RNF213: variants seen among roughly 807,000 people sequenced by gnomAD.
The protein encoded by RNF213 is E3 ubiquitin-protein ligase RNF213.
In RNF213, 341 loss-of-function variants were observed where a neutral mutation model predicts 514.4. The ratio of observed to expected loss-of-function variants is 0.66; its 90% CI spans 0.61 to 0.73. The LOEUF is 0.73. Among genes scored for constraint, RNF213 ranks in the 30% least tolerant of loss-of-function variants. The pLI, the probability that RNF213 is intolerant of heterozygous loss-of-function variation, is 0.00. For missense variants in RNF213, 5,767 were observed against 6,615.6 expected (o/e 0.87, Z 4.45); for synonymous variants, 2,655 against 2,658.2 (o/e 1.00, Z 0.04).
At chr17:80,280,326 C>T (rs1016765785) in intron 3 of RNF213, among the ~76,000 whole-genome samples, 1 of 152,170 alleles carries the variant, frequency 6.6e-6, no homozygotes, top group Admixed American at 6.5e-5. Flanking sequence ...GAGAGGTGGG[C>T]CCTTCCCCAG....
In RNF213 at chr17:80,332,594, A is replaced by G. The variant is rs1422654186; in HGVS notation, c.4106A>G (p.Asn1369Ser). 1 of 1,522,438 alleles carries G rather than the reference A, an allele frequency of 6.6e-7. No homozygotes were observed. The highest frequency in any genetic ancestry group is 8.8e-7 in the Non-Finnish European group (1 of 1,138,816). 94.3% of individuals were successfully genotyped at this position (1,522,438 alleles called of 1,614,324 possible). A position where few individuals can be genotyped will look rare whatever the true frequency, so the allele number is the denominator to read the frequency against. The change falls in exon 21 of 68, where the codon AAC (asparagine) becomes AGC (serine). Residue 1369 changes from asparagine (N) to serine (S), a missense_variant. Transcript: ENST00000582970. ...CAGGTCAAAGAGAGCCTGGGACTGA[A>G]CGGTGACTTCAGTGTTCTCAACACT... ...ILQVKESLGL[N>S]GDFSVLNTLL...
At chr17:80,391,213 C>G (rs984384710) in intron 67 of RNF213, among the ~76,000 whole-genome samples, 1 of 152,156 alleles carries the variant, frequency 6.6e-6, no homozygotes, top group Non-Finnish European at 1.5e-5. Flanking sequence ...CCCCATTTAC[C>G]GTGAGGCTGA....
chr17:80,355,505 C>G (rs76868615), intron 36 of RNF213, among the ~76,000 whole-genome samples: 1 of 9,178 alleles, frequency 1.1e-4, no homozygotes. Context: ...AGCGGGGTGA[C>G]CGGGAATGGG....
chr17:80,336,494 G>A (rs1214931259), intron 23 of RNF213, 116 bp downstream of exon 23: 35 of 865,930 alleles, frequency 4.0e-5, no homozygotes, highest in East Asian at 1.1e-4. Context: ...GTACACAGCC[G>A]TTTTCAATGA....
Position 80,317,118 on chromosome 17 carries a change from C to A in RNF213, c.2812-70C>A. The A allele has an allele frequency of 6.6e-7, 1 of 1,511,574 alleles. No individual in the cohort carries two copies. Among genetic ancestry groups the A allele is most frequent in the Non-Finnish European group, 9.1e-7 (1 of 1,100,106 alleles). 93.6% of individuals were successfully genotyped at this position (1,511,574 alleles called of 1,614,324 possible). On this transcript the variant is annotated intron_variant, in intron 15 of 67. Coordinates refer to ENST00000582970, the MANE Select transcript of RNF213 (RefSeq NM_001256071.3). The surrounding 1 kb of genome is among the most constrained non-coding windows in gnomAD (Gnocchi z 4.1). ...TGTATTGCCGTAATGCTCTGTCTTT[C>A]TCCTTTCATGGGAGTGTGCCGTGGC...
intron 21 of RNF213, 157 bp from the exon 22 acceptor site, chr17:80,333,948 A>G (rs2077910157): frequency 1.3e-6 from 1 of 743,114 alleles, no homozygotes; most frequent in Admixed American, 2.3e-5. Context: ...TGATCATCCA[A>G]TTCAGGGGTA....
At chr17:80,290,759 C>T (rs1294165179) in intron 7 of RNF213, 31 bp downstream of exon 7, 4 of 1,613,710 alleles carry the variant, frequency 2.5e-6, no homozygotes, top group Non-Finnish European at 3.4e-6. Context: ...GGGAGGAATC[C>T]CTCAGGGAAG....
intron 17 of RNF213, among the ~76,000 whole-genome samples, chr17:80,322,157 C>CT: frequency 1.8e-5 from 2 of 111,954 alleles, no homozygotes; most frequent in Non-Finnish European, 3.5e-5. Flanking sequence ...CCCCCCACCC[C>CT]CCCTTTTTTT....
At position 80,309,059 on chromosome 17, in the gene RNF213, G is replaced by A; in HGVS notation, c.2543G>A (p.Cys848Tyr). ...EALSPSYLTV[C>Y]LKLHEAICSS... The stretch of plus-strand genomic sequence containing the variant: ...TTGTCACCATCCTACCTGACTGTGT[G>A]TCTGAAACTGCATGAAGCCATCTGC... The change falls in exon 14 of 68, where the codon TGT becomes TAT. Residue 848 changes from cysteine to tyrosine, a missense_variant. Cys to Tyr is a radical substitution (Grantham distance 194, BLOSUM62 -2). Around this residue, in one of 13 missense-constraint regions of RNF213, gnomAD observed 592 missense variants for 673.9 expected, o/e 0.88. Transcript: ENST00000582970. The A allele has an allele frequency of 6.2e-7, 1 of 1,614,166 alleles. No individual in the cohort carries two copies. Among genetic ancestry groups the A allele is most frequent in the South Asian group, 1.1e-5 (1 of 91,084 alleles).
chr17:80,295,866 C>A, intron 10 of RNF213, 53 bp downstream of exon 10: 1 of 1,598,548 alleles, frequency 6.3e-7, no homozygotes. Flanking sequence ...ATGATTTTCT[C>A]TGATTGCAAA....
At chr17:80,389,468 C>A in intron 65 of RNF213, 101 bp downstream of exon 65, 1 of 1,042,016 alleles carries the variant, frequency 9.6e-7, no homozygotes, top group Non-Finnish European at 1.5e-6. Context: ...TCTAGGCGCT[C>A]CTGAAAAGGA....
chr17:80,356,833 G>C (rs573604816), intron 36 of RNF213, among the ~76,000 whole-genome samples: 10 of 151,946 alleles, frequency 6.6e-5, no homozygotes, highest in Admixed American at 2.6e-4. Context: ...AGGTTCCTCT[G>C]TACTATATAT....
At chr17:80,327,420 A>G (rs1233535034) in intron 18 of RNF213, among the ~76,000 whole-genome samples, 1 of 151,526 alleles carries the variant, frequency 6.6e-6, no homozygotes, top group Non-Finnish European at 1.5e-5. Flanking sequence ...AAATGAGGTT[A>G]CAGTGGGCTA....
intron 57 of RNF213, 134 bp from the exon 58 acceptor site, chr17:80,382,845 C>T: frequency 2.9e-6 from 2 of 678,224 alleles, no homozygotes; most frequent in Non-Finnish European, 5.4e-6. Context: ...CTTCAAAATA[C>T]TTAGATTAAT....
At chr17:80,268,641 ATCTG>A (rs57789415) in intron 2 of RNF213, among the ~76,000 whole-genome samples, 453 of 103,520 alleles carry the variant, frequency 4.4e-3, no homozygotes, top group African/African-American at 0.017. Flanking sequence ...CCATCCGTTT[ATCTG>A]TCTATCTATC....
chr17:80,356,923 G>GTTT (rs35344484), intron 36 of RNF213, among the ~76,000 whole-genome samples: 24 of 145,788 alleles, frequency 1.6e-4, no homozygotes, highest in South Asian at 8.7e-4. Context: ...ACCTTGTGGG[G>GTTT]TTTTTTTTTT....
At position 80,313,793 on chromosome 17, in the gene RNF213, G is replaced by A. The variant is rs2045683761; in HGVS notation, c.2811+626G>A. 1.1e-4 allele frequency among the ~76,000 whole-genome samples: 16 copies of A among 141,222 alleles called. No homozygotes were observed. The South Asian group carries it at 3.5e-3, about 31-fold the overall frequency. The allele number at this position is 141,222 out of a possible 152,430, so 92.6% of individuals were successfully genotyped here. On this transcript the variant is annotated intron_variant, in intron 15 of 67. Coordinates refer to ENST00000582970, the MANE Select transcript of RNF213 (RefSeq NM_001256071.3). ...TACTGGAGGTGATGGTGGTGGTGAA[G>A]GTGATGGTGGAGGTAATGGAGGTGA...
intron 18 of RNF213, among the ~76,000 whole-genome samples, chr17:80,325,757 A>C (rs1193487842): frequency 1.3e-5 from 2 of 151,926 alleles, no homozygotes; most frequent in Non-Finnish European, 2.9e-5. Flanking sequence ...GTTAGAGTCC[A>C]GTTGGCGTGT....
chr17:80,262,121 A>C (rs1253990550), intron 1 of RNF213, among the ~76,000 whole-genome samples: 1 of 151,868 alleles, frequency 6.6e-6, no homozygotes, highest in Non-Finnish European at 1.5e-5. Context: ...GGCGGTGGGG[A>C]GTCATTGAAG....
Sources: allele counts gnomAD v4.1 joint callset (sites outside exome capture counted in the v4.1 genomes callset), GRCh38; gene constraint gnomAD v4.1.1; regional missense constraint gnomAD v4.1.1; non-coding constraint Gnocchi (gnomAD v3.1); transcripts MANE v1.5; gene names NCBI Gene and HGNC (gene_info 2026-07-23, HGNC 2026-07-21).